PDE11A: variants seen among roughly 807,000 people sequenced by gnomAD.
The protein encoded by PDE11A is dual 3',5'-cyclic-AMP and -GMP phosphodiesterase 11A.
In PDE11A, 100 loss-of-function variants were observed where a neutral mutation model predicts 100.5. That is an observed-to-expected ratio of 1.00 (90% confidence interval 0.85 to 1.18). PDE11A has a LOEUF of 1.18. PDE11A is among the 50% of genes most tolerant of loss of function. The probability of loss-of-function intolerance (pLI) is 0.00; values close to 1 mark genes in which losing one functional copy is unlikely to be tolerated. For missense variants in PDE11A, 1,141 were observed against 1,152.6 expected (o/e 0.99, Z 0.15); for synonymous variants, 381 against 420.8 (o/e 0.91, Z 1.16).
intron 10 of PDE11A, among the ~76,000 whole-genome samples, chr2:177,740,549 G>C (rs2081857234): frequency 6.6e-6 from 1 of 152,212 alleles, no homozygotes; most frequent in South Asian, 2.1e-4. Context: ...AGGTTAAGAA[G>C]ATAAGCGACT....
intron 9 of PDE11A, among the ~76,000 whole-genome samples, chr2:177,816,204 C>T (rs1178582339): frequency 6.6e-6 from 1 of 151,750 alleles, no homozygotes; most frequent in Non-Finnish European, 1.5e-5. Context: ...AAAACAAAAA[C>T]AAAAACAAAA....
chr2:177,980,176 C>T (rs2085864002), intron 2 of PDE11A, among the ~76,000 whole-genome samples: 1 of 150,082 alleles, frequency 6.7e-6, no homozygotes, highest in Non-Finnish European at 1.5e-5. Flanking sequence ...ACGAAGAATA[C>T]CAGCTAAGGA....
rs182682806 is a variant in PDE11A at position 178,105,804 on chromosome 2, C to T, written c.-13-1328G>A. ...TCCACCCCTCCCTATCTCACCTGCC[C>T]AGCCAACTGGGACCTTGGCCAGATT... is the stretch of plus-strand genomic sequence containing the variant. On this transcript the variant is annotated intron_variant, in intron 1 of 20. Coordinates refer to the PDE11A transcript ENST00000358450. 40 of 786,028 alleles carry T rather than the reference C, an allele frequency of 5.1e-5. No homozygotes were observed. In the East Asian group the frequency reaches 1.6e-3, roughly 30 times the overall value. The allele number at this position is 786,028 out of a possible 1,614,324, so 48.7% of individuals were successfully genotyped here.
rs1263500949 is a variant in PDE11A, at chr2:177,795,934, ACTATATATATATATATATATATAT to A, written c.1737+20871_1737+20894del. On this transcript the variant is annotated intron_variant, in intron 9 of 19. Transcript: ENST00000286063. ...TAATTATTACTATTATTTTGTTTAA[ACTATATATATATATATATATATAT>A]ATATATATATATATATATCTTTGCT... 8.5e-5 allele frequency among the ~76,000 whole-genome samples: 3 copies of A among 35,388 alleles called. No homozygotes were observed. In the East Asian group the frequency reaches 1.8e-3, roughly 21 times the overall value. 23.2% of individuals were successfully genotyped at this position (35,388 alleles called of 152,430 possible). A position where few individuals can be genotyped will look rare whatever the true frequency, so the allele number is the denominator to read the frequency against.
intron 1 of PDE11A, among the ~76,000 whole-genome samples, chr2:178,025,421 T>C (rs924240822): frequency 5.3e-5 from 8 of 152,222 alleles, no homozygotes; most frequent in Admixed American, 1.3e-4. Flanking sequence ...ATCCCTTTTT[T>C]TAGTCACGTT....
chr2:177,732,937 T>A (rs2081714851), intron 10 of PDE11A, among the ~76,000 whole-genome samples: 1 of 152,138 alleles, frequency 6.6e-6, no homozygotes, highest in African/African-American at 2.4e-5. Context: ...CATTGCTGGG[T>A]TCAAGGGCAG....
chr2:178,054,513 T>C (rs531721746), intron 1 of PDE11A, among the ~76,000 whole-genome samples: 173 of 152,200 alleles, frequency 1.1e-3, no homozygotes, highest in African/African-American at 4.1e-3. Context: ...CTAATTAAAC[T>C]AAAGAGCTTC....
chr2:177,782,447 A>T (rs2082467243), intron 9 of PDE11A, among the ~76,000 whole-genome samples: 1 of 152,256 alleles, frequency 6.6e-6, no homozygotes, highest in African/African-American at 2.4e-5. Flanking sequence ...TTCTGTAATC[A>T]GGTGTCAACT....
At chr2:177,686,466 C>T (rs986407741) in intron 15 of PDE11A, among the ~76,000 whole-genome samples, 1 of 152,006 alleles carries the variant, frequency 6.6e-6, no homozygotes, top group Non-Finnish European at 1.5e-5. Context: ...GCTAGGGAGG[C>T]TGAGGTGGGA....
intron 19 of PDE11A, among the ~76,000 whole-genome samples, chr2:177,638,149 G>A (rs1400408858): frequency 7.9e-5 from 12 of 151,426 alleles, no homozygotes; most frequent in East Asian, 3.9e-4. Flanking sequence ...ACAGGTGCCC[G>A]CCACCGTGCC....
At chr2:177,659,603 C>T (rs566637994) in intron 19 of PDE11A, among the ~76,000 whole-genome samples, 1 of 152,310 alleles carries the variant, frequency 6.6e-6, no homozygotes, top group South Asian at 2.1e-4. Context: ...GCACCACTGA[C>T]ATTCTAGGTA....
rs551164014 is a variant in PDE11A, at chr2:177,775,855, T to C, written c.1738-6482A>G. On this transcript the variant is annotated intron_variant, in intron 9 of 19. Coordinates refer to ENST00000286063, the MANE Select transcript of PDE11A (RefSeq NM_016953.4). ...TGTTTCCTTCATGCCACTTGCACAA[T>C]TGGAGTTGCCTGTTATCTTATTCAT... Among the ~76,000 whole-genome samples the C allele has an allele frequency of 1.4e-4, 21 of 152,270 alleles. 1 individual carries two copies. Among genetic ancestry groups the C allele is most frequent in the African/African-American group, 4.8e-4 (20 of 41,564 alleles).
chr2:177,720,948 C>T (rs1001251229), intron 12 of PDE11A, among the ~76,000 whole-genome samples: 6 of 152,080 alleles, frequency 3.9e-5, no homozygotes, highest in Non-Finnish European at 8.8e-5. Flanking sequence ...GCCTCAACTA[C>T]GGTTGCAAGT....
intron 2 of PDE11A, among the ~76,000 whole-genome samples, chr2:177,963,282 G>A (rs574644610): frequency 9.2e-5 from 14 of 152,026 alleles, no homozygotes; most frequent in East Asian, 5.8e-4. Context: ...AGCTCTATAC[G>A]GATTCCAGAG....
At chr2:177,800,581 A>C (rs2082778000) in intron 9 of PDE11A, among the ~76,000 whole-genome samples, 1 of 152,152 alleles carries the variant, frequency 6.6e-6, no homozygotes, top group South Asian at 2.1e-4. Context: ...TTTAATTATG[A>C]TTTTTATTTG....
intron 5 of PDE11A, among the ~76,000 whole-genome samples, chr2:177,841,963 T>C (rs2083498516): frequency 6.6e-6 from 1 of 152,232 alleles, no homozygotes; most frequent in African/African-American, 2.4e-5. Flanking sequence ...GATGAAATTT[T>C]ATGTTGTGCT....
At chr2:177,857,969 G>C (rs2083872779) in intron 5 of PDE11A, among the ~76,000 whole-genome samples, 1 of 151,872 alleles carries the variant, frequency 6.6e-6, no homozygotes, top group African/African-American at 2.4e-5. Flanking sequence ...ATGGCAAAGG[G>C]TCAAACCAAT....
intron 18 of PDE11A, among the ~76,000 whole-genome samples, chr2:177,666,147 G>T (rs989577247): frequency 3.3e-5 from 5 of 152,108 alleles, no homozygotes; most frequent in African/African-American, 1.2e-4. Context: ...TGCTTATCTT[G>T]CACATTTCAT....
chr2:178,039,023 T>C (rs922635403), intron 1 of PDE11A: 3 of 152,200 alleles, frequency 2.0e-5, no homozygotes, highest in African/African-American at 7.2e-5. Flanking sequence ...CATTACTGGC[T>C]ATATAACCAG....
Sources: gnomAD v4.1 joint callset for allele counts (sites outside exome capture counted in the v4.1 genomes callset) on GRCh38, gnomAD v4.1.1 for gene constraint, MANE v1.5 for transcripts, NCBI Gene and HGNC (gene_info 2026-07-23, HGNC 2026-07-21) for gene names.